The following DDX10 variants were observed in gnomAD, a reference collection of about 807,000 sequenced individuals.
The protein encoded by DDX10 is DEAD-box helicase 10.
A neutral mutation model predicts 104.3 loss-of-function variants in DDX10; 74 were observed. The observed-to-expected ratio is 0.71, with a 90% CI of 0.59 to 0.86. The LOEUF (loss-of-function observed/expected upper bound fraction) is 0.86, where lower values mean the gene tolerates loss of function less well. Among genes scored for constraint, DDX10 ranks in the 40% least tolerant of loss-of-function variants. DDX10 has a pLI of 0.00. For synonymous variants in DDX10, 351 were observed against 353.4 expected (o/e 0.99, Z 0.08); for missense variants, 952 against 1,040.0 (o/e 0.92, Z 1.16).
At chr11:108,766,964 T>C (rs923515393) in intron 13 of DDX10, among the ~76,000 whole-genome samples, 2 of 152,202 alleles carry the variant, frequency 1.3e-5, no homozygotes, top group Non-Finnish European at 2.9e-5. Context: ...GAGAACCCTT[T>C]TATTACGTAA....
At chr11:108,848,372 A>C (rs1347753847) in intron 15 of DDX10, among the ~76,000 whole-genome samples, 1 of 152,162 alleles carries the variant, frequency 6.6e-6, no homozygotes, top group Non-Finnish European at 1.5e-5. Context: ...TGTCATCTTG[A>C]GGACAAGGGA....
chr11:108,860,173 G>C (rs1021264531), intron 16 of DDX10, among the ~76,000 whole-genome samples: 3 of 152,076 alleles, frequency 2.0e-5, no homozygotes, highest in African/African-American at 7.2e-5. Flanking sequence ...TTATTACTAG[G>C]AAATTCTAAA....
In DDX10 at chr11:108,779,052, A is replaced by T. The variant is rs137873381; in HGVS notation, c.1965+55590A>T. On this transcript the variant is annotated intron_variant, in intron 13 of 17. Transcript: ENST00000322536. ...TCAGGAAACAACAGGTGCTGGAGAG[A>T]ATGTGGAGAAATAGGAACCCTTTTA... Among the ~76,000 whole-genome samples the T allele has an allele frequency of 7.9e-3, 1,207 of 152,226 alleles. 12 individuals are homozygous for T. The highest frequency in any genetic ancestry group is 0.026 in the African/African-American group (1,099 of 41,546).
intron 13 of DDX10, among the ~76,000 whole-genome samples, chr11:108,724,426 CTG>C (rs1440491241): frequency 1.3e-5 from 2 of 151,978 alleles, no homozygotes; most frequent in African/African-American, 2.4e-5. Context: ...AAAAAAATAA[CTG>C]TGGCACAGAA....
intron 1 of DDX10, 141 bp downstream of exon 1, chr11:108,665,480 C>A: frequency 1.1e-6 from 1 of 945,038 alleles, no homozygotes; most frequent in Non-Finnish European, 1.5e-6. Flanking sequence ...GGTGCCACAG[C>A]TCAAACCTCT....
chr11:108,711,569 G>A (rs1183787170), intron 10 of DDX10, among the ~76,000 whole-genome samples: 1 of 152,228 alleles, frequency 6.6e-6, no homozygotes, highest in African/African-American at 2.4e-5. Flanking sequence ...CCGACCCCAG[G>A]TGATCTGCCC....
At chr11:108,681,429 T>A (rs1330793625) in intron 6 of DDX10, among the ~76,000 whole-genome samples, 1 of 152,178 alleles carries the variant, frequency 6.6e-6, no homozygotes, top group Middle Eastern at 3.2e-3. Flanking sequence ...ATTCTAATAT[T>A]CCAAATTTAT....
At chr11:108,861,261 A>T (rs938700693) in intron 16 of DDX10, among the ~76,000 whole-genome samples, 1 of 152,066 alleles carries the variant, frequency 6.6e-6, no homozygotes. Context: ...ACTGCCCTGG[A>T]CGTGCCTGCC....
At chr11:108,756,189 A>G (rs1435127669) in intron 13 of DDX10, among the ~76,000 whole-genome samples, 1 of 151,958 alleles carries the variant, frequency 6.6e-6, no homozygotes, top group Non-Finnish European at 1.5e-5. Context: ...ATCTAATGTG[A>G]TTTGTGTTGG....
chr11:108,770,180 A>G (rs1447585480), intron 13 of DDX10, among the ~76,000 whole-genome samples: 3 of 152,154 alleles, frequency 2.0e-5, no homozygotes, highest in Non-Finnish European at 4.4e-5. Context: ...GTAGGTGCAT[A>G]TATTTGTGGG....
chr11:108,908,907 C>T (rs985249653), intron 16 of DDX10, among the ~76,000 whole-genome samples: 5 of 152,138 alleles, frequency 3.3e-5, no homozygotes, highest in African/African-American at 9.7e-5. Flanking sequence ...ACTGAAGAAA[C>T]GATGCTTAGA....
At chr11:108,737,844 TA>T (rs1283551679) in intron 13 of DDX10, among the ~76,000 whole-genome samples, 1 of 152,188 alleles carries the variant, frequency 6.6e-6, no homozygotes, top group Non-Finnish European at 1.5e-5. Flanking sequence ...TTTTTAAAAT[TA>T]AAATGGCCTA....
chr11:108,845,723 A>G (rs1862707699), intron 15 of DDX10, among the ~76,000 whole-genome samples: 1 of 152,348 alleles, frequency 6.6e-6, no homozygotes, highest in East Asian at 1.9e-4. Flanking sequence ...CTTTTAATGT[A>G]TATTAATTGT....
intron 16 of DDX10, among the ~76,000 whole-genome samples, chr11:108,905,783 G>T (rs1384172975): frequency 6.6e-6 from 1 of 152,156 alleles, no homozygotes; most frequent in Non-Finnish European, 1.5e-5. Context: ...TTGGCTCATG[G>T]TTCTGCAGGC....
Position 108,906,740 on chromosome 11 carries a change from A to G in DDX10, c.2305-11133A>G, listed in dbSNP as rs1024203924. Among the ~76,000 whole-genome samples, 3 of 152,374 alleles carry G rather than the reference A, an allele frequency of 2.0e-5. No individual in the cohort carries two copies. In the East Asian group the frequency reaches 5.8e-4, roughly 29 times the overall value. On this transcript the variant is annotated intron_variant, in intron 16 of 17. Coordinates refer to ENST00000322536, the MANE Select transcript of DDX10 (RefSeq NM_004398.4). ...ATAAAGATGATCAATAAGATGCACC[A>G]TTATTTAATAGGGCGTTATGAAATT...
chr11:108,890,950 C>G (rs1020093638), intron 16 of DDX10, among the ~76,000 whole-genome samples: 5 of 152,162 alleles, frequency 3.3e-5, no homozygotes, highest in African/African-American at 9.7e-5. Flanking sequence ...GGCTTCTGCT[C>G]TAGTGCATGC....
intron 17 of DDX10, among the ~76,000 whole-genome samples, chr11:108,937,955 C>T (rs754656775): frequency 2.0e-5 from 3 of 152,138 alleles, no homozygotes; most frequent in Non-Finnish European, 2.9e-5. Context: ...CTAAGTCCCA[C>T]AGAAGTGCTG....
At chr11:108,751,507 A>T (rs1455781922) in intron 13 of DDX10, among the ~76,000 whole-genome samples, 1 of 152,178 alleles carries the variant, frequency 6.6e-6, no homozygotes, top group Non-Finnish European at 1.5e-5. Context: ...GGAGGGGTCC[A>T]TAAATGTGAT....
chr11:108,906,726 C>G (rs1282739544), intron 16 of DDX10, among the ~76,000 whole-genome samples: 2 of 152,050 alleles, frequency 1.3e-5, no homozygotes, highest in Admixed American at 1.3e-4. Context: ...TAAAGATGAT[C>G]AATAAGATGC....
Sources: gnomAD v4.1 joint callset for allele counts (sites outside exome capture counted in the v4.1 genomes callset) on GRCh38, gnomAD v4.1.1 for gene constraint, MANE v1.5 for transcripts, NCBI Gene and HGNC (gene_info 2026-07-23, HGNC 2026-07-21) for gene names.